Variants in RAPGEF5 observed in about 807,000 individuals in gnomAD.
The protein encoded by RAPGEF5 is M-Ras-regulated GEF.
In RAPGEF5, 65 loss-of-function variants were observed where a neutral mutation model predicts 125.2. The ratio of observed to expected loss-of-function variants is 0.52; its 90% CI spans 0.43 to 0.64. The LOEUF is 0.64. Among genes scored for constraint, RAPGEF5 ranks in the 30% least tolerant of loss-of-function variants. The pLI, the probability that RAPGEF5 is intolerant of heterozygous loss-of-function variation, is 0.00. For synonymous variants in RAPGEF5, 391 were observed against 385.9 expected (o/e 1.01, Z -0.16); for missense variants, 958 against 1,048.1 (o/e 0.91, Z 1.19).
At chr7:22,341,198 A>G (rs188307969) in intron 1 of RAPGEF5, among the ~76,000 whole-genome samples, 84 of 152,338 alleles carry the variant, frequency 5.5e-4, no homozygotes, top group African/African-American at 1.5e-3. Flanking sequence ...TGAAAGGCAC[A>G]TCTCACATGG....
chr7:22,130,443 A>G (rs1397766495), intron 24 of RAPGEF5, among the ~76,000 whole-genome samples: 1 of 152,168 alleles, frequency 6.6e-6, no homozygotes, highest in Non-Finnish European at 1.5e-5. Flanking sequence ...CTTGCTTGTA[A>G]GGAGGGAGGG....
chr7:22,335,607 C>T (rs887885540), intron 1 of RAPGEF5, among the ~76,000 whole-genome samples: 5 of 151,080 alleles, frequency 3.3e-5, no homozygotes, highest in African/African-American at 1.2e-4. Flanking sequence ...GCCACAAAGC[C>T]GTATCAACTC....
At chr7:22,228,265 C>A (rs1203101759) in intron 8 of RAPGEF5, among the ~76,000 whole-genome samples, 2 of 152,098 alleles carry the variant, frequency 1.3e-5, no homozygotes, top group Non-Finnish European at 2.9e-5. Flanking sequence ...ACCAGACTGC[C>A]CTGGTTTCAG....
chr7:22,190,071 G>C (rs1403778943), intron 11 of RAPGEF5, among the ~76,000 whole-genome samples: 1 of 152,154 alleles, frequency 6.6e-6, no homozygotes, highest in Non-Finnish European at 1.5e-5. Context: ...CACGAGATCA[G>C]GAGTTCGAGA....
At chr7:22,193,162 A>G in intron 11 of RAPGEF5, 1 of 606,436 alleles carries the variant, frequency 1.6e-6, no homozygotes, top group Non-Finnish European at 2.9e-6. Flanking sequence ...TTGTACAGCT[A>G]CTTCCCAGGG....
intron 7 of RAPGEF5, among the ~76,000 whole-genome samples, chr7:22,245,749 C>A (rs890318085): frequency 2.0e-4 from 30 of 151,970 alleles, no homozygotes; most frequent in Non-Finnish European, 4.1e-4. Flanking sequence ...TACTGGAAGC[C>A]CATGCCAAGC....
intron 8 of RAPGEF5, among the ~76,000 whole-genome samples, chr7:22,226,641 T>C (rs943993793): frequency 3.9e-5 from 6 of 152,118 alleles, no homozygotes; most frequent in Non-Finnish European, 7.3e-5. Context: ...GAAAGTGTGA[T>C]AGTCAAGGCA....
At chr7:22,153,560 C>G (rs932136717) in intron 17 of RAPGEF5, among the ~76,000 whole-genome samples, 1 of 152,140 alleles carries the variant, frequency 6.6e-6, no homozygotes, top group Non-Finnish European at 1.5e-5. Flanking sequence ...CTGTGAGCAA[C>G]AAAGCCATAG....
At position 22,122,298 on chromosome 7, in the gene RAPGEF5, A is replaced by T; in HGVS notation, c.*108T>A. The T allele has an allele frequency of 1.1e-6, 1 of 879,928 alleles. No individual in the cohort carries two copies. 54.5% of individuals were successfully genotyped at this position (879,928 alleles called of 1,614,324 possible). A position where few individuals can be genotyped will look rare whatever the true frequency, so the allele number is the denominator to read the frequency against. On this transcript the variant is annotated 3_prime_UTR_variant, in exon 26 of 26. Transcript: ENST00000665637. ...CTTTCCTGTGAATGTCTTGGGTTAT[A>T]CTGATAAAACTCAGCAACTTCTTTT... is the stretch of plus-strand genomic sequence containing the variant.
At chr7:22,180,627 T>C (rs1784645464) in intron 11 of RAPGEF5, among the ~76,000 whole-genome samples, 1 of 152,198 alleles carries the variant, frequency 6.6e-6, no homozygotes, top group African/African-American at 2.4e-5. Flanking sequence ...CATTAGAGCT[T>C]TTCTGTTATA....
chr7:22,130,562 C>T (rs1384474653), intron 24 of RAPGEF5, among the ~76,000 whole-genome samples: 1 of 152,284 alleles, frequency 6.6e-6, no homozygotes, highest in East Asian at 1.9e-4. Flanking sequence ...AAATTCCAGC[C>T]TCACATTTAA....
intron 1 of RAPGEF5, among the ~76,000 whole-genome samples, chr7:22,324,079 C>A (rs888122755): frequency 2.0e-5 from 3 of 152,278 alleles, no homozygotes; most frequent in Admixed American, 6.5e-5. Context: ...AAAATAACAA[C>A]TGTACAGTGG....
intron 7 of RAPGEF5, among the ~76,000 whole-genome samples, chr7:22,238,107 T>C (rs1410333078): frequency 6.6e-6 from 1 of 152,142 alleles, no homozygotes; most frequent in Admixed American, 6.5e-5. Flanking sequence ...AAACCTCTGG[T>C]AGAGGTCCTG....
intron 11 of RAPGEF5, among the ~76,000 whole-genome samples, chr7:22,182,887 G>T (rs931077512): frequency 6.6e-6 from 1 of 152,086 alleles, no homozygotes. Context: ...TTCATCCTAC[G>T]TCAAAGAGAT....
chr7:22,263,661 C>A (rs1225456549), intron 7 of RAPGEF5, among the ~76,000 whole-genome samples: 1 of 151,166 alleles, frequency 6.6e-6, no homozygotes. Context: ...ACCTGGGAGG[C>A]AGAGGTTGCA....
intron 7 of RAPGEF5, among the ~76,000 whole-genome samples, chr7:22,257,849 C>A (rs1353549982): frequency 6.6e-6 from 1 of 152,052 alleles, no homozygotes; most frequent in African/African-American, 2.4e-5. Flanking sequence ...TTATATTGCT[C>A]TTCTAATCAG....
At chr7:22,145,512 G>T (rs1463197047) in intron 19 of RAPGEF5, among the ~76,000 whole-genome samples, 1 of 152,150 alleles carries the variant, frequency 6.6e-6, no homozygotes, top group Admixed American at 6.5e-5. Flanking sequence ...AGGATAAAAG[G>T]AATCCCCAAA....
At chr7:22,195,023 A>G (rs1193763709) in intron 9 of RAPGEF5, among the ~76,000 whole-genome samples, 2 of 152,232 alleles carry the variant, frequency 1.3e-5, no homozygotes, top group African/African-American at 4.8e-5. Flanking sequence ...GGAGCAAAAG[A>G]TTAAAGGAAG....
intron 11 of RAPGEF5, among the ~76,000 whole-genome samples, chr7:22,177,559 T>C (rs1349738715): frequency 6.6e-6 from 1 of 152,218 alleles, no homozygotes; most frequent in Non-Finnish European, 1.5e-5. Context: ...CAGCCACCCT[T>C]TATTGACCAC....
Sources: gnomAD v4.1 joint callset for allele counts (sites outside exome capture counted in the v4.1 genomes callset) on GRCh38, gnomAD v4.1.1 for gene constraint, MANE v1.5 for transcripts, NCBI Gene and HGNC (gene_info 2026-07-23, HGNC 2026-07-21) for gene names.